DPYD: variants seen among roughly 807,000 people sequenced by gnomAD.
DPYD encodes the protein dihydropyrimidine dehydrogenase [NADP(+)].
In DPYD, 109 loss-of-function variants were observed where a neutral mutation model predicts 116.2. That is an observed-to-expected ratio of 0.94 (90% CI 0.80 to 1.10). DPYD has a LOEUF of 1.10. DPYD is among the 50% of genes least tolerant of loss of function. The pLI is 0.00. For synonymous variants in DPYD, 440 were observed against 432.0 expected (o/e 1.02, Z -0.23); for missense variants, 1,302 against 1,254.5 (o/e 1.04, Z -0.57).
At chr1:97,164,567 T>C (rs1245080560) in intron 20 of DPYD, among the ~76,000 whole-genome samples, 1 of 152,098 alleles carries the variant, frequency 6.6e-6, no homozygotes, top group Non-Finnish European at 1.5e-5. Flanking sequence ...CTGATAAACC[T>C]CTTCTGCAAA....
Position 97,196,596 on chromosome 1 carries a change from C to T in DPYD, c.2443-3348G>A, listed in dbSNP as rs562320228. Among the ~76,000 whole-genome samples the T allele has an allele frequency of 1.6e-4, 25 of 152,212 alleles. No individual in the cohort carries two copies. The South Asian group carries it at 5.2e-3, about 32-fold the overall frequency. ...ACATGATGCGGGCTCTTCTTAGGGG[C>T]CAGGCACTTTGTTAGCACTTTTAAA... is the stretch of plus-strand genomic sequence containing the variant. On this transcript the variant is annotated intron_variant, in intron 19 of 22. Transcript: ENST00000370192.
chr1:97,799,762 T>C (rs529579956), intron 3 of DPYD, among the ~76,000 whole-genome samples: 9 of 152,122 alleles, frequency 5.9e-5, no homozygotes, highest in South Asian at 2.1e-4. Context: ...TAATCTTCAA[T>C]AAATGCAGGT....
Position 97,499,411 on chromosome 1 carries a change from C to T in DPYD, c.1740+16315G>A, listed in dbSNP as rs566114624. Among the ~76,000 whole-genome samples the T allele has an allele frequency of 1.9e-4, 29 of 151,838 alleles. No homozygotes were observed. The South Asian group carries it at 5.8e-3, about 30-fold the overall frequency. ...TAGTATTTTAGAACATTGAAAAACA[C>T]CTTTTGTGTTAAAACAGTAAATATT... On this transcript the variant is annotated intron_variant, in intron 13 of 22. Transcript: ENST00000370192.
intron 4 of DPYD, among the ~76,000 whole-genome samples, chr1:97,734,708 A>C (rs949794444): frequency 2.0e-5 from 3 of 152,234 alleles, no homozygotes; most frequent in African/African-American, 7.2e-5. Flanking sequence ...GACTGAAAAT[A>C]ACAAGGCAGT....
chr1:97,780,445 C>T (rs550621369), intron 3 of DPYD, among the ~76,000 whole-genome samples: 15 of 152,124 alleles, frequency 9.9e-5, no homozygotes, highest in Non-Finnish European at 2.2e-4. Flanking sequence ...TAACATAATG[C>T]TTAGTTTAAT....
At chr1:97,557,078 G>A (rs938346245) in intron 11 of DPYD, among the ~76,000 whole-genome samples, 3 of 151,832 alleles carry the variant, frequency 2.0e-5, no homozygotes, top group African/African-American at 7.3e-5. Flanking sequence ...TCTCATTGTG[G>A]TTTTGATTTG....
intron 19 of DPYD, among the ~76,000 whole-genome samples, chr1:97,199,049 C>A (rs1659018140): frequency 6.6e-6 from 1 of 152,108 alleles, no homozygotes; most frequent in African/African-American, 2.4e-5. Flanking sequence ...TGTACAAATA[C>A]CTGGATGGTA....
intron 20 of DPYD, among the ~76,000 whole-genome samples, chr1:97,187,984 A>G (rs1355670787): frequency 6.6e-6 from 1 of 152,080 alleles, no homozygotes; most frequent in East Asian, 1.9e-4. Context: ...GCCTAATTGT[A>G]TAATTTGAGG....
intron 13 of DPYD, among the ~76,000 whole-genome samples, chr1:97,505,332 T>C (rs535147567): frequency 9.9e-5 from 15 of 152,138 alleles, no homozygotes; most frequent in African/African-American, 2.6e-4. Context: ...CAGCTACTTA[T>C]AACATTTCAT....
At chr1:97,882,329 T>C (rs199572638) in intron 2 of DPYD, among the ~76,000 whole-genome samples, 15 of 151,964 alleles carry the variant, frequency 9.9e-5, no homozygotes, top group Middle Eastern at 3.2e-3. Flanking sequence ...CAGTGGCTGG[T>C]GATAGAAAAA....
intron 16 of DPYD, among the ~76,000 whole-genome samples, chr1:97,307,230 A>C (rs1355062764): frequency 1.3e-5 from 2 of 151,954 alleles, no homozygotes; most frequent in Non-Finnish European, 2.9e-5. Context: ...TAAAGTATGC[A>C]ATAGCAATTC....
intron 2 of DPYD, among the ~76,000 whole-genome samples, chr1:97,868,381 A>G (rs1189798110): frequency 1.3e-5 from 2 of 151,848 alleles, no homozygotes; most frequent in Non-Finnish European, 2.9e-5. Context: ...AAGACTTCAA[A>G]TGATATCTGT....
intron 16 of DPYD, among the ~76,000 whole-genome samples, chr1:97,323,974 G>T (rs538275793): frequency 6.6e-6 from 1 of 151,842 alleles, no homozygotes; most frequent in Non-Finnish European, 1.5e-5. Context: ...CTAGGCAACT[G>T]AAGATCCAGC....
At position 97,682,017 on chromosome 1, in the gene DPYD, T is replaced by C. The variant is rs539672373; in HGVS notation, c.763-2835A>G. ...TGGGTATTTGTGGGAGAAGGCACAA[T>C]AGTTTAGTTTAATAGTAGCTTTTTG... On this transcript the variant is annotated intron_variant, in intron 7 of 22. Coordinates refer to ENST00000370192, the MANE Select transcript of DPYD (RefSeq NM_000110.4). Among the ~76,000 whole-genome samples the C allele has an allele frequency of 7.2e-5, 11 of 152,224 alleles. No homozygotes were observed. The East Asian group carries it at 1.7e-3, about 24-fold the overall frequency.
chr1:97,480,981 C>T (rs1330749900), intron 13 of DPYD, among the ~76,000 whole-genome samples: 3 of 150,806 alleles, frequency 2.0e-5, no homozygotes, highest in African/African-American at 7.3e-5. Flanking sequence ...AACTCCATCT[C>T]AAAAAACAAA....
chr1:97,753,861 CTT>C (rs1252075086), intron 3 of DPYD, among the ~76,000 whole-genome samples: 1 of 151,726 alleles, frequency 6.6e-6, no homozygotes, highest in Non-Finnish European at 1.5e-5. Flanking sequence ...ACATATCTAA[CTT>C]ATATAACTTT....
chr1:97,330,064 T>C (rs571241540), intron 16 of DPYD, among the ~76,000 whole-genome samples: 1 of 152,202 alleles, frequency 6.6e-6, no homozygotes, highest in South Asian at 2.1e-4. Context: ...AATCCTAATA[T>C]ACAAGAAACA....
intron 19 of DPYD, among the ~76,000 whole-genome samples, chr1:97,207,153 T>G (rs1402546921): frequency 6.6e-6 from 1 of 152,116 alleles, no homozygotes; most frequent in African/African-American, 2.4e-5. Flanking sequence ...ATAAAAATAT[T>G]GTAATAGTAT....
At chr1:97,825,523 A>G (rs1669189437) in intron 3 of DPYD, among the ~76,000 whole-genome samples, 1 of 150,598 alleles carries the variant, frequency 6.6e-6, no homozygotes, top group Non-Finnish European at 1.5e-5. Flanking sequence ...CAAGCTAATA[A>G]GAAAAAGGGA....
Sources: allele counts gnomAD v4.1 joint callset (sites outside exome capture counted in the v4.1 genomes callset), GRCh38; gene constraint gnomAD v4.1.1; transcripts MANE v1.5; gene names NCBI Gene and HGNC (gene_info 2026-07-23, HGNC 2026-07-21).